The following MYH14 variants were observed in gnomAD, a reference collection of about 807,000 sequenced individuals.
MYH14 encodes myosin-14.
A neutral mutation model predicts 255.5 loss-of-function variants in MYH14; 123 were observed. The observed-to-expected ratio is 0.48, with a 90% confidence interval of 0.42 to 0.56. The LOEUF (loss-of-function observed/expected upper bound fraction) is 0.56, where lower values mean the gene tolerates loss of function less well. MYH14 is among the 20% of genes least tolerant of loss of function. The pLI is 0.00. For missense variants in MYH14, 2,423 were observed against 2,802.3 expected (o/e 0.86, Z 3.06); for synonymous variants, 1,095 against 1,161.2 (o/e 0.94, Z 1.16).
chr19:50,269,413 C>T (rs1051229923), intron 24 of MYH14, among the ~76,000 whole-genome samples: 3 of 152,146 alleles, frequency 2.0e-5, no homozygotes, highest in Non-Finnish European at 4.4e-5. Flanking sequence ...AACTCCTGAC[C>T]TCAGGTGATC....
chr19:50,247,766 C>T (rs1164070166), intron 12 of MYH14, among the ~76,000 whole-genome samples: 1 of 151,766 alleles, frequency 6.6e-6, no homozygotes, highest in Non-Finnish European at 1.5e-5. Flanking sequence ...GAGTTGGGAA[C>T]ATTAAGCAGG....
intron 27 of MYH14, among the ~76,000 whole-genome samples, chr19:50,274,484 G>A (rs996211875): frequency 2.6e-5 from 4 of 152,108 alleles, no homozygotes; most frequent in African/African-American, 4.8e-5. Flanking sequence ...TAGCAGAGAC[G>A]GGGTTTCACT....
rs2034437533 is a variant in MYH14, at chr19:50,252,454, GGAGA to G, written c.1831-179_1831-176del. On this transcript the variant is annotated intron_variant, in intron 15 of 42. Transcript: ENST00000642316. The surrounding 1 kb of genome is among the most constrained non-coding windows in gnomAD (Gnocchi z 4.2). ...AGGTGGCAGGGGGCATAGAGGGGAA[GGAGA>G]GAGAGGGGACCATGCTGGTGGGGTG... 6.6e-6 allele frequency among the ~76,000 whole-genome samples: 1 copy of G among 152,102 alleles called. No individual in the cohort carries two copies. The highest frequency in any genetic ancestry group is 2.1e-4 in the South Asian group (1 of 4,822).
chr19:50,300,816 A>C (rs925368482), intron 39 of MYH14, among the ~76,000 whole-genome samples: 1 of 152,142 alleles, frequency 6.6e-6, no homozygotes, highest in African/African-American at 2.4e-5. Context: ...TCATCTACTC[A>C]GGAGGCTGAA....
intron 24 of MYH14, 114 bp downstream of exon 24, chr19:50,268,481 T>C (rs1350370855): frequency 8.4e-7 from 1 of 1,192,000 alleles, no homozygotes; most frequent in African/African-American, 1.5e-5. Context: ...GAAAACTCAG[T>C]TCTAAGTGAA....
rs781485234 is a variant in MYH14 at position 50,210,588 on chromosome 19, G to A, written c.223G>A (p.Glu75Lys). 1.9e-6 allele frequency: 3 copies of A among 1,575,338 alleles called. No homozygotes were observed. The highest frequency in any genetic ancestry group is 2.6e-6 in the Non-Finnish European group (3 of 1,161,514). Residue 75 changes from glutamate to lysine, a missense_variant, in exon 2 of 43, where the codon GAG becomes AAG. Glu to Lys is a moderately conservative substitution (Grantham distance 56, BLOSUM62 1). Around this residue, in one of 3 missense-constraint regions of MYH14, gnomAD observed 238 missense variants for 245.8 expected, o/e 0.97. Transcript: ENST00000642316. ...GGCGGCGGCGCTGCGGGACGAAGGC[G>A]AGGAGGAGGCGGAGGTGGAGCTGGC... The part of the protein sequence containing the change: ...FEAAALRDEG[E>K]EEAEVELAES...
Position 50,252,776 on chromosome 19 carries a change from C to T in MYH14, c.1945+23C>T. On this transcript the variant is annotated intron_variant, in intron 16 of 42. Transcript: ENST00000642316. The surrounding 1 kb of genome is among the most constrained non-coding windows in gnomAD (Gnocchi z 4.2). ...ACGGTGAGGACCCACTTCCCCCACCCCGGCTCTAGGGGTCTGTGCGGCCAT... is the reference window on the plus strand; with the variant it reads ...ACGGTGAGGACCCACTTCCCCCACCTCGGCTCTAGGGGTCTGTGCGGCCAT... 1 of 1,505,172 alleles carries T rather than the reference C, an allele frequency of 6.6e-7. No individual in the cohort carries two copies. Among genetic ancestry groups the T allele is most frequent in the East Asian group, 2.4e-5 (1 of 41,322 alleles). 93.2% of individuals were successfully genotyped at this position (1,505,172 alleles called of 1,614,324 possible).
In MYH14 at chr19:50,271,513, G is replaced by A; in HGVS notation, c.3138G>A (p.Leu1046=). 1.2e-6 allele frequency: 2 copies of A among 1,606,514 alleles called. No individual in the cohort carries two copies. The highest frequency in any genetic ancestry group is 1.7e-6 in the Non-Finnish European group (2 of 1,176,630). Residue 1046 remains leucine (L), a synonymous_variant, in exon 25 of 43, where the codon CTG becomes CTA. Coordinates refer to ENST00000642316, the MANE Select transcript of MYH14 (RefSeq NM_001145809.2). Reference sequence around the variant, plus strand: ...TGAAGAAATTTGAAGAGGACCTGCTGCTCCTGGAAGACCAGAATTCCAAGC... The same window carrying A: ...TGAAGAAATTTGAAGAGGACCTGCTACTCCTGGAAGACCAGAATTCCAAGC... ...AKMKKFEEDL[L]LLEDQNSKLS... is the part of the protein sequence containing the mutation.
Position 50,243,978 on chromosome 19 carries a change from C to CT in MYH14, c.1115-250dup, listed in dbSNP as rs74268485. Among the ~76,000 whole-genome samples, 9,504 of 143,390 alleles carry CT rather than the reference C, an allele frequency of 0.066. 444 individuals carry two copies. The highest frequency in any genetic ancestry group is 0.13 in the African/African-American group (5,102 of 39,236). The allele number at this position is 143,390 out of a possible 152,430, so 94.1% of individuals were successfully genotyped here. On this transcript the variant is annotated intron_variant, in intron 10 of 42. Coordinates refer to ENST00000642316, the MANE Select transcript of MYH14 (RefSeq NM_001145809.2). ...GCCTGCCCAGTGTCAAAGATGGATT[C>CT]TTTTTTTTTTTTTTGAGATGGAGTC... is the stretch of plus-strand genomic sequence containing the variant.
intron 32 of MYH14, among the ~76,000 whole-genome samples, chr19:50,281,252 T>C (rs1158648529): frequency 6.6e-6 from 1 of 152,230 alleles, no homozygotes; most frequent in Non-Finnish European, 1.5e-5. Flanking sequence ...AAACAGATTC[T>C]GGGCACTTCC....
intron 7 of MYH14, among the ~76,000 whole-genome samples, chr19:50,226,604 G>C (rs2033116550): frequency 6.6e-6 from 1 of 151,986 alleles, no homozygotes; most frequent in Non-Finnish European, 1.5e-5. Context: ...ATGAGGGAGT[G>C]CAGGCCCGGA....
chr19:50,219,598 C>T (rs1348965203), intron 3 of MYH14, among the ~76,000 whole-genome samples: 3 of 152,124 alleles, frequency 2.0e-5, no homozygotes, highest in Admixed American at 1.3e-4. Context: ...ATTTATTCAA[C>T]ATTTATCGTT....
At chr19:50,302,113 TAAAAA>T (rs765650409) in intron 40 of MYH14, among the ~76,000 whole-genome samples, 1 of 54,578 alleles carries the variant, frequency 1.8e-5, no homozygotes. Context: ...ACCTCATCTC[TAAAAA>T]AAAAAAAAAA....
chr19:50,214,262 T>A (rs78455983), intron 2 of MYH14, among the ~76,000 whole-genome samples: 5,821 of 152,306 alleles, frequency 0.038, 120 homozygotes, highest in Middle Eastern at 0.054. Context: ...TGGAGCCACC[T>A]GGCCTGAAAA....
In MYH14 at chr19:50,308,742, A is replaced by G. The variant is rs73932456; in HGVS notation, c.5788-263A>G. On this transcript the variant is annotated intron_variant, in intron 41 of 42. Coordinates refer to ENST00000642316, the MANE Select transcript of MYH14 (RefSeq NM_001145809.2). ...ACTGGGGAGCCATGAAAGGATTGTG[A>G]GCAGGAGGGTCTGGGTCAGCTCTGG... The G allele has an allele frequency of 1.4e-3, 630 of 443,372 alleles. 4 individuals are homozygous for G. The highest frequency in any genetic ancestry group is 0.011 in the African/African-American group (588 of 51,138). 27.5% of individuals were successfully genotyped at this position (443,372 alleles called of 1,614,324 possible).
chr19:50,280,527 A>AC lies in MYH14; in HGVS notation c.4290+150dup. 3 of 854,580 alleles carry AC rather than the reference A, an allele frequency of 3.5e-6. No individual in the cohort carries two copies. The South Asian group carries it at 5.7e-5, about 16-fold the overall frequency. The allele number at this position is 854,580 out of a possible 1,614,324, so 52.9% of individuals were successfully genotyped here. On this transcript the variant is annotated intron_variant, in intron 32 of 42. Transcript: ENST00000642316. The surrounding 1 kb of genome is among the most constrained non-coding windows in gnomAD (Gnocchi z 4.8). ...CCTTTCTCATCTCTGACTCCCCCTTACCCCCCACAGCCCATGCCCAGCCCT... is the reference window on the plus strand; with the variant it reads ...CCTTTCTCATCTCTGACTCCCCCTTACCCCCCCACAGCCCATGCCCAGCCCT...
rs528099249 is a variant in MYH14, at chr19:50,257,715, T to C, written c.2232+229T>C. On this transcript the variant is annotated intron_variant, in intron 18 of 42. Coordinates refer to ENST00000642316, the MANE Select transcript of MYH14 (RefSeq NM_001145809.2). ...GCTGGGAACAGGTACTGGGGAGGCA[T>C]TGGAGAGAAAGGCACAGCCAACTCC... Among the ~76,000 whole-genome samples the C allele has an allele frequency of 9.9e-5, 15 of 152,278 alleles. No homozygotes were observed. In the South Asian group the frequency reaches 2.7e-3, roughly 27 times the overall value.
At chr19:50,215,680 A>G (rs1280379278) in intron 2 of MYH14, among the ~76,000 whole-genome samples, 1 of 152,222 alleles carries the variant, frequency 6.6e-6, no homozygotes, top group Non-Finnish European at 1.5e-5. Flanking sequence ...TTGGCCAAGC[A>G]TGGTGGTGCA....
intron 2 of MYH14, among the ~76,000 whole-genome samples, chr19:50,216,737 G>A (rs530689407): frequency 1.3e-5 from 2 of 151,336 alleles, no homozygotes; most frequent in African/African-American, 4.9e-5. Flanking sequence ...CCCTTCCAGA[G>A]ATAGTCCATG....
Sources: gnomAD v4.1 joint callset for allele counts (sites outside exome capture counted in the v4.1 genomes callset) on GRCh38, gnomAD v4.1.1 for gene constraint, gnomAD v4.1.1 regional missense constraint, Gnocchi (gnomAD v3.1) non-coding constraint, MANE v1.5 for transcripts, NCBI Gene and HGNC (gene_info 2026-07-23, HGNC 2026-07-21) for gene names.